The following MEIS2 variants were observed in gnomAD, a reference collection of about 807,000 sequenced individuals.
MEIS2 encodes homeobox protein Meis2.
Under a neutral mutation model 58.6 loss-of-function variants are expected in MEIS2, and 9 were observed. That is an observed-to-expected ratio of 0.15 (90% CI 0.09 to 0.27). MEIS2 has a LOEUF of 0.27. Ranked by LOEUF, MEIS2 falls within the 10% of genes least tolerant of loss-of-function variation. The pLI is 1.00. For synonymous variants in MEIS2, 221 were observed against 228.4 expected (o/e 0.97, Z 0.29); for missense variants, 427 against 635.0 (o/e 0.67, Z 3.52).
rs375391211 is a variant in MEIS2, at chr15:36,954,686, C to T, written c.901-4286G>A. ...TAAGTCTGACTCACTTGCTGGTCTA[C>T]AAAGCTGACCAGATGAGTGCTGACT... On this transcript the variant is annotated intron_variant, in intron 8 of 11. Coordinates refer to ENST00000561208, the MANE Select transcript of MEIS2 (RefSeq NM_170675.5). 2.2e-4 allele frequency among the ~76,000 whole-genome samples: 34 copies of T among 152,102 alleles called. No individual in the cohort carries two copies. The East Asian group carries it at 3.3e-3, about 15-fold the overall frequency.
chr15:36,899,167 C>T (rs1296539673), intron 9 of MEIS2, among the ~76,000 whole-genome samples: 1 of 152,124 alleles, frequency 6.6e-6, no homozygotes, highest in Non-Finnish European at 1.5e-5. Context: ...ATAATTCTAC[C>T]ACATTCTTTC....
chr15:37,021,373 G>A (rs1344045465), intron 8 of MEIS2, among the ~76,000 whole-genome samples: 1 of 152,044 alleles, frequency 6.6e-6, no homozygotes, highest in Non-Finnish European at 1.5e-5. Context: ...TGACTTTTAA[G>A]CCACTCCCTC....
intron 8 of MEIS2, among the ~76,000 whole-genome samples, chr15:37,027,409 T>C (rs904118908): frequency 6.6e-6 from 1 of 152,184 alleles, no homozygotes; most frequent in Non-Finnish European, 1.5e-5. Flanking sequence ...ATCACTCCAC[T>C]TCTCCATGGA....
chr15:37,093,525 TA>T, intron 6 of MEIS2, 55 bp downstream of exon 6: 4 of 1,591,874 alleles, frequency 2.5e-6, no homozygotes, highest in Non-Finnish European at 3.4e-6. Flanking sequence ...AAAACAAGGT[TA>T]AAATAATGCT....
In MEIS2 at chr15:37,099,551, CT is replaced by C. The variant is rs111602525; in HGVS notation, c.-86del. 0.075 allele frequency: 78,197 copies of C among 1,039,320 alleles called. 4 individuals are homozygous for C. The highest frequency in any genetic ancestry group is 0.11 in the South Asian group (6,376 of 57,680). 64.4% of individuals were successfully genotyped at this position (1,039,320 alleles called of 1,614,324 possible). ...AGAAAGTGATCTAGGCTGAAGATTC[CT>C]TTTTTTTTTTTCCAAACCAAAGAGA... On this transcript the variant is annotated 5_prime_UTR_variant, in exon 1 of 12. Coordinates refer to ENST00000561208, the MANE Select transcript of MEIS2 (RefSeq NM_170675.5).
intron 6 of MEIS2, among the ~76,000 whole-genome samples, chr15:37,089,910 GATAA>G (rs1310540066): frequency 2.0e-5 from 3 of 152,080 alleles, no homozygotes; most frequent in African/African-American, 7.2e-5. Context: ...GTGTAAAATA[GATAA>G]TGTGAGTATC....
intron 7 of MEIS2, among the ~76,000 whole-genome samples, chr15:37,054,531 C>G (rs1339897750): frequency 6.6e-6 from 1 of 152,210 alleles, no homozygotes; most frequent in Non-Finnish European, 1.5e-5. Context: ...ATCCACCCAC[C>G]TCAGCCCCCT....
chr15:36,967,223 A>G (rs1145168), intron 8 of MEIS2, among the ~76,000 whole-genome samples: 133,254 of 152,176 alleles, frequency 0.88, 58,533 homozygotes, highest in African/African-American at 0.94. Flanking sequence ...TATCACTAGT[A>G]TTTGTAAATA....
chr15:37,100,721 G>A (rs1216446237), upstream of MEIS2, among the ~76,000 whole-genome samples: 2 of 151,514 alleles, frequency 1.3e-5, no homozygotes, highest in African/African-American at 4.8e-5. Flanking sequence ...GTGTGTGTAT[G>A]TGTGTGCGTG....
At chr15:36,915,845 C>A (rs2057252547) in intron 9 of MEIS2, among the ~76,000 whole-genome samples, 1 of 152,114 alleles carries the variant, frequency 6.6e-6, no homozygotes, top group Non-Finnish European at 1.5e-5. Flanking sequence ...AAATTCAGGG[C>A]AAATGTTGTA....
At chr15:36,932,042 A>G (rs1161704130) in intron 9 of MEIS2, among the ~76,000 whole-genome samples, 5 of 152,248 alleles carry the variant, frequency 3.3e-5, no homozygotes, top group Admixed American at 6.5e-5. Flanking sequence ...TAATAGTGAT[A>G]TTCTTTAAGA....
intron 8 of MEIS2, among the ~76,000 whole-genome samples, chr15:37,026,004 T>C (rs1246397842): frequency 1.3e-5 from 2 of 152,114 alleles, no homozygotes; most frequent in Non-Finnish European, 2.9e-5. Context: ...GAGCCTATAA[T>C]TGAATAATAA....
At chr15:36,928,822 C>T (rs2057852777) in intron 9 of MEIS2, among the ~76,000 whole-genome samples, 1 of 152,138 alleles carries the variant, frequency 6.6e-6, no homozygotes, top group Non-Finnish European at 1.5e-5. Flanking sequence ...TATCTTCTAT[C>T]TTCCCCTGTG....
intron 9 of MEIS2, among the ~76,000 whole-genome samples, chr15:36,920,118 T>TTTTATTTATTTA (rs199959581): frequency 7.4e-6 from 1 of 134,640 alleles, no homozygotes; most frequent in African/African-American, 2.5e-5. Context: ...CCTATACTGC[T>TTTTATTTATTTA]TTTATTTATT....
chr15:36,958,966 T>C (rs1187686277), intron 8 of MEIS2, among the ~76,000 whole-genome samples: 2 of 152,172 alleles, frequency 1.3e-5, no homozygotes, highest in East Asian at 1.9e-4. Context: ...TTTGTTGAAA[T>C]AGATTTCAAA....
intron 8 of MEIS2, among the ~76,000 whole-genome samples, chr15:36,988,498 C>T (rs2060165044): frequency 6.6e-6 from 1 of 152,192 alleles, no homozygotes; most frequent in East Asian, 1.9e-4. Flanking sequence ...CAAGGGTCCT[C>T]TCTAGACAAT....
intron 8 of MEIS2, among the ~76,000 whole-genome samples, chr15:36,953,984 A>T (rs753273756): frequency 6.6e-6 from 1 of 152,218 alleles, no homozygotes; most frequent in Non-Finnish European, 1.5e-5. Context: ...GATGATATCC[A>T]AACTGAAACC....
chr15:36,914,451 G>T (rs1309811265), intron 9 of MEIS2, among the ~76,000 whole-genome samples: 3 of 152,198 alleles, frequency 2.0e-5, no homozygotes, highest in Middle Eastern at 3.2e-3. Flanking sequence ...GAAGAGAGTT[G>T]GGTAGTTTTT....
chr15:36,897,404 C>T (rs2056235918), intron 9 of MEIS2: 1 of 152,176 alleles, frequency 6.6e-6, no homozygotes, highest in Non-Finnish European at 1.5e-5. Flanking sequence ...GCTCAAGAAA[C>T]GTTTGCAAAT....
Sources: gnomAD v4.1 joint callset for allele counts (sites outside exome capture counted in the v4.1 genomes callset) on GRCh38, gnomAD v4.1.1 for gene constraint, MANE v1.5 for transcripts, NCBI Gene and HGNC (gene_info 2026-07-23, HGNC 2026-07-21) for gene names.